ADCY5: variants seen among roughly 807,000 people sequenced by gnomAD.
The protein encoded by ADCY5 is adenylate cyclase type 5.
In ADCY5, 30 loss-of-function variants were observed where a neutral mutation model predicts 119.7. That is an observed-to-expected ratio of 0.25 (90% CI 0.19 to 0.34). The LOEUF (loss-of-function observed/expected upper bound fraction) is 0.34. Among genes scored for constraint, ADCY5 ranks in the 10% least tolerant of loss-of-function variants. ADCY5 has a pLI of 1.00. For synonymous variants in ADCY5, 753 were observed against 762.2 expected (o/e 0.99, Z 0.20); for missense variants, 1,324 against 1,775.2 (o/e 0.75, Z 4.57).
chr3:123,324,891 G>A (rs1257944705), intron 8 of ADCY5, among the ~76,000 whole-genome samples: 1 of 152,248 alleles, frequency 6.6e-6, no homozygotes, highest in Non-Finnish European at 1.5e-5. Flanking sequence ...TGAACCAAAA[G>A]ATGTGGTTTC....
chr3:123,444,157 T>C (rs1263702687), intron 1 of ADCY5, among the ~76,000 whole-genome samples: 2 of 152,072 alleles, frequency 1.3e-5, no homozygotes, highest in Admixed American at 6.5e-5. Context: ...AAGTGAGGAA[T>C]GTGTTTGGCA....
At chr3:123,436,158 G>C (rs1448164035) in intron 1 of ADCY5, among the ~76,000 whole-genome samples, 1 of 151,708 alleles carries the variant, frequency 6.6e-6, no homozygotes, top group Non-Finnish European at 1.5e-5. Context: ...CCAAAGTGTT[G>C]GCATTATAGG....
intron 12 of ADCY5, among the ~76,000 whole-genome samples, chr3:123,308,343 TAC>T (rs1940327948): frequency 6.6e-6 from 1 of 151,740 alleles, no homozygotes; most frequent in Admixed American, 6.6e-5. Context: ...GGCCACACTC[TAC>T]ACTCTTTAAA....
intron 1 of ADCY5, among the ~76,000 whole-genome samples, chr3:123,388,917 C>T (rs778104146): frequency 2.0e-5 from 3 of 152,080 alleles, no homozygotes; most frequent in African/African-American, 7.2e-5. Context: ...GATGGAGGCA[C>T]GCCAGGGAGT....
rs1481654977 is a variant in ADCY5 at position 123,303,041 on chromosome 3, T to C, written c.2724+14A>G. 1.2e-6 allele frequency: 2 copies of C among 1,612,990 alleles called. No homozygotes were observed. The highest frequency in any genetic ancestry group is 1.7e-6 in the Non-Finnish European group (2 of 1,179,780). ...CTCTTCAGCACTCCCTTCCAGCCCC[T>C]GTGCACCCAGTACCTCGGGGAAGTT... On this transcript the variant is annotated intron_variant, in intron 14 of 20. Coordinates refer to ENST00000462833, the MANE Select transcript of ADCY5 (RefSeq NM_183357.3).
rs1576681676 is a variant in ADCY5, at chr3:123,415,451, C to T, written c.1134+31961G>A. On this transcript the variant is annotated intron_variant, in intron 1 of 20. Transcript: ENST00000462833. ...GAGCCCTGGGGAGGGCTTCATGGCA[C>T]AAAAGAAAATGACCCAGATTCTTTC... Among the ~76,000 whole-genome samples, 3 of 152,286 alleles carry T rather than the reference C, an allele frequency of 2.0e-5. No individual in the cohort carries two copies. In the East Asian group the frequency reaches 5.8e-4, roughly 29 times the overall value.
Position 123,283,817 on chromosome 3 carries a change from A to G in ADCY5, c.*791T>C, listed in dbSNP as rs2030045873. On this transcript the variant is annotated 3_prime_UTR_variant, in exon 21 of 21. Transcript: ENST00000462833. The stretch of plus-strand genomic sequence containing the variant: ...TGAGATCTCCAAGGCTTTCAATAAT[A>G]CAAAATAAAAAATACAAAAAAGACA... 6.6e-6 allele frequency: 1 copy of G among 152,218 alleles called. No individual in the cohort carries two copies. Among genetic ancestry groups the G allele is most frequent in the African/African-American group, 2.4e-5 (1 of 41,448 alleles). 9.4% of individuals were successfully genotyped at this position (152,218 alleles called of 1,614,324 possible).
At chr3:123,404,646 G>C (rs1944855117) in intron 1 of ADCY5, 1 of 152,282 alleles carries the variant, frequency 6.6e-6, no homozygotes, top group Non-Finnish European at 1.5e-5. Flanking sequence ...GGGGAAAGAA[G>C]TGGGAGGCTC....
intron 14 of ADCY5, among the ~76,000 whole-genome samples, chr3:123,302,255 T>C (rs189511893): frequency 1.7e-3 from 259 of 152,356 alleles, no homozygotes; most frequent in South Asian, 4.1e-3. Context: ...CGCAGTACCA[T>C]GAACGAAGCA....
At chr3:123,396,733 GGAAGGAAGGAAGGA>G (rs1944588620) in intron 1 of ADCY5, among the ~76,000 whole-genome samples, 2 of 9,822 alleles carry the variant, frequency 2.0e-4, no homozygotes, top group Non-Finnish European at 2.7e-4. Context: ...GAGGGAGGAA[GGAAGGAAGGAAGGA>G]AGGAAGGAAG....
intron 16 of ADCY5, chr3:123,297,005 A>G (rs1192143641): frequency 5.9e-6 from 9 of 1,536,078 alleles, no homozygotes; most frequent in Non-Finnish European, 7.8e-6. Flanking sequence ...CCAGAGGGAA[A>G]GTAGGTACCA....
intron 1 of ADCY5, among the ~76,000 whole-genome samples, chr3:123,408,125 G>T (rs17295346): frequency 2.0e-5 from 3 of 152,008 alleles, no homozygotes; most frequent in Middle Eastern, 3.4e-3. Flanking sequence ...CTGGACCTAC[G>T]GTGAAAAATC....
chr3:123,430,025 A>G (rs964448433), intron 1 of ADCY5, among the ~76,000 whole-genome samples: 8 of 152,130 alleles, frequency 5.3e-5, no homozygotes, highest in Non-Finnish European at 1.2e-4. Flanking sequence ...CATGCAGGTC[A>G]GCATCTCCTC....
chr3:123,300,245 C>G lies in ADCY5; in HGVS notation c.2775G>C (p.Leu925=). The change falls in exon 15 of 21, where the codon CTG becomes CTC. Residue 925 remains leucine (L), a synonymous_variant. Transcript: ENST00000462833. ...LLSLLACSVF[L]QISCIGKLVL... is the part of the protein sequence containing the mutation. ...CCAGCTTCCCGATGCAGCTGATCTG[C>G]AGGAACACGGAGCAGGCCAGCAGGC... The G allele has an allele frequency of 6.2e-7, 1 of 1,613,736 alleles. No individual in the cohort carries two copies. The highest frequency in any genetic ancestry group is 8.5e-7 in the Non-Finnish European group (1 of 1,180,040).
chr3:123,402,780 G>A lies in ADCY5; in HGVS notation c.1134+44632C>T, dbSNP rs966454950. On this transcript the variant is annotated intron_variant, in intron 1 of 20. Transcript: ENST00000462833. ...AGGCAGGAGAATGGCGTGAACCCGG[G>A]AGGCGGAGCTTGCAGTGAGCCGAGA... Among the ~76,000 whole-genome samples the A allele has an allele frequency of 9.3e-5, 14 of 151,008 alleles. No individual in the cohort carries two copies. The East Asian group carries it at 1.2e-3, about 13-fold the overall frequency.
At chr3:123,319,564 C>T in intron 10 of ADCY5, 110 bp downstream of exon 10, 1 of 1,364,772 alleles carries the variant, frequency 7.3e-7, no homozygotes, top group Non-Finnish European at 9.9e-7. Context: ...GAAACTGAGG[C>T]CACCCCTTCC....
chr3:123,295,956 C>A, intron 17 of ADCY5, 128 bp downstream of exon 17: 1 of 1,378,744 alleles, frequency 7.3e-7, no homozygotes, highest in East Asian at 2.4e-5. Context: ...TTCGATGGGG[C>A]CTGAGCAAGA....
chr3:123,446,439 C>T (rs990911438), intron 1 of ADCY5, among the ~76,000 whole-genome samples: 2 of 152,126 alleles, frequency 1.3e-5, no homozygotes, highest in African/African-American at 4.8e-5. Flanking sequence ...CACAGTGGAG[C>T]AGCATGCAAA....
At chr3:123,310,546 C>A (rs1311650148) in intron 12 of ADCY5, among the ~76,000 whole-genome samples, 1 of 152,190 alleles carries the variant, frequency 6.6e-6, no homozygotes, top group Non-Finnish European at 1.5e-5. Context: ...ACTGCATGGG[C>A]CCCTTCCAAC....
Sources: gnomAD v4.1 joint callset for allele counts (sites outside exome capture counted in the v4.1 genomes callset) on GRCh38, gnomAD v4.1.1 for gene constraint, MANE v1.5 for transcripts, NCBI Gene and HGNC (gene_info 2026-07-23, HGNC 2026-07-21) for gene names.